ZNF407: variants seen among roughly 807,000 people sequenced by gnomAD.
ZNF407 encodes the protein zinc finger protein 407.
In ZNF407, 17 loss-of-function variants were observed where a neutral mutation model predicts 131.2. The ratio of observed to expected loss-of-function variants is 0.13; its 90% CI spans 0.09 to 0.19. ZNF407 has a LOEUF of 0.19. ZNF407 is among the 10% of genes least tolerant of loss of function. ZNF407 has a pLI of 1.00. For synonymous variants in ZNF407, 1,156 were observed against 1,062.0 expected, an observed-to-expected ratio of 1.09 and a Z score of -1.72; for missense variants, 2,681 against 2,830.6, an observed-to-expected ratio of 0.95 and a Z score of 1.20.
intron 3 of ZNF407, among the ~76,000 whole-genome samples, chr18:74,661,913 G>A (rs1365185743): frequency 2.0e-5 from 3 of 152,124 alleles, no homozygotes; most frequent in Admixed American, 6.5e-5. Flanking sequence ...GTATTTGTTT[G>A]AAGTAGTTCT....
intron 5 of ZNF407, among the ~76,000 whole-genome samples, chr18:74,877,806 A>G (rs927776163): frequency 6.6e-6 from 1 of 152,228 alleles, no homozygotes; most frequent in Non-Finnish European, 1.5e-5. Flanking sequence ...GTACCGTTTT[A>G]AGAAACTGTT....
chr18:75,001,761 A>G (rs775928485), intron 8 of ZNF407, among the ~76,000 whole-genome samples: 17 of 152,262 alleles, frequency 1.1e-4, no homozygotes, highest in Non-Finnish European at 2.4e-4. Context: ...AAGATGGAGT[A>G]CAGAATAGAA....
At chr18:74,885,865 A>G (rs1331094877) in intron 6 of ZNF407, among the ~76,000 whole-genome samples, 1 of 152,212 alleles carries the variant, frequency 6.6e-6, no homozygotes, top group Non-Finnish European at 1.5e-5. Context: ...TAAATTCTAG[A>G]AGAAAACATA....
chr18:74,878,705 A>T (rs909410906), intron 5 of ZNF407, among the ~76,000 whole-genome samples: 10 of 152,274 alleles, frequency 6.6e-5, no homozygotes, highest in Admixed American at 2.0e-4. Flanking sequence ...CACACTTGAA[A>T]CTAATTCAAG....
chr18:74,771,349 G>T (rs2145001145), intron 3 of ZNF407, among the ~76,000 whole-genome samples: 1 of 152,154 alleles, frequency 6.6e-6, no homozygotes, highest in East Asian at 1.9e-4. Flanking sequence ...ATTTCTGACA[G>T]ATTTGAATAC....
intron 8 of ZNF407, among the ~76,000 whole-genome samples, chr18:74,982,525 G>A (rs1312871512): frequency 6.6e-6 from 1 of 152,196 alleles, no homozygotes; most frequent in African/African-American, 2.4e-5. Context: ...ACAATCATTG[G>A]AAACTTACAA....
chr18:74,739,017 G>A (rs2144914619), intron 3 of ZNF407, among the ~76,000 whole-genome samples: 1 of 152,080 alleles, frequency 6.6e-6, no homozygotes, highest in Non-Finnish European at 1.5e-5. Context: ...TTATATCTCA[G>A]TGTTAGGAGC....
At chr18:74,866,951 C>T (rs990453446) in intron 4 of ZNF407, among the ~76,000 whole-genome samples, 2 of 131,670 alleles carry the variant, frequency 1.5e-5, no homozygotes, top group Non-Finnish European at 3.1e-5. Context: ...TGTTTGAGAC[C>T]AGCCTTGACA....
chr18:75,056,208 A>G (rs759139244), intron 8 of ZNF407, among the ~76,000 whole-genome samples: 4 of 152,222 alleles, frequency 2.6e-5, no homozygotes, highest in Non-Finnish European at 5.9e-5. Context: ...TAGTTTAGCT[A>G]CCATGTTTAA....
chr18:75,063,892 C>G lies in ZNF407; in HGVS notation c.6171C>G (p.Thr2057=). The stretch of plus-strand genomic sequence containing the variant: ...GCCCGGCCGCCGTGGAGGTGCTCAC[C>G]CAGGTGGTCCATCCCTCAGCAGCCA... ...QESPAAVEVL[T]QVVHPSAAMA... Residue 2057 remains threonine, a synonymous_variant, in exon 9 of 9, where the codon ACC becomes ACG. Coordinates refer to ENST00000299687, the MANE Select transcript of ZNF407 (RefSeq NM_017757.3). This position sits in a 1 kb window ranked among gnomAD's most constrained non-coding sequence, Gnocchi z 6.6. 6.2e-7 allele frequency: 1 copy of G among 1,613,408 alleles called. No individual in the cohort carries two copies. The highest frequency in any genetic ancestry group is 8.5e-7 in the Non-Finnish European group (1 of 1,179,840).
chr18:74,616,663 CTGAGTCATCTGTTGCAA>C (rs1983300714), intron 1 of ZNF407, among the ~76,000 whole-genome samples: 1 of 151,924 alleles, frequency 6.6e-6, no homozygotes, highest in Non-Finnish European at 1.5e-5. Flanking sequence ...AACCTTCATC[CTGAGTCATCTGTTGCAA>C]TGTTTACCCA....
chr18:74,724,344 T>C (rs1568183831), intron 3 of ZNF407, among the ~76,000 whole-genome samples: 1 of 152,144 alleles, frequency 6.6e-6, no homozygotes. Flanking sequence ...GGTGACAACA[T>C]TCAGAATCTT....
At chr18:74,764,742 T>C (rs2144983131) in intron 3 of ZNF407, among the ~76,000 whole-genome samples, 1 of 152,302 alleles carries the variant, frequency 6.6e-6, no homozygotes, top group Admixed American at 6.5e-5. Context: ...TAACTTTAAC[T>C]GCCCCCAGAC....
intron 3 of ZNF407, among the ~76,000 whole-genome samples, chr18:74,668,501 A>G (rs143994988): frequency 6.6e-6 from 1 of 152,294 alleles, no homozygotes; most frequent in African/African-American, 2.4e-5. Context: ...TGTATAACCC[A>G]GTGTTCAGAG....
intron 4 of ZNF407, among the ~76,000 whole-genome samples, chr18:74,872,972 T>A (rs1345609685): frequency 6.6e-6 from 1 of 151,992 alleles, no homozygotes; most frequent in Non-Finnish European, 1.5e-5. Flanking sequence ...TTGAAGAAGA[T>A]GAATAAAAAG....
At chr18:75,023,010 C>T (rs775590832) in intron 8 of ZNF407, among the ~76,000 whole-genome samples, 10 of 152,098 alleles carry the variant, frequency 6.6e-5, no homozygotes, top group South Asian at 6.2e-4. Flanking sequence ...ATGAAACGAA[C>T]GAGATCATGT....
At chr18:74,864,478 G>A (rs1207088362) in intron 4 of ZNF407, among the ~76,000 whole-genome samples, 1 of 152,098 alleles carries the variant, frequency 6.6e-6, no homozygotes, top group Non-Finnish European at 1.5e-5. Context: ...CAAGCAGTTT[G>A]GTTTCCAGTT....
At chr18:74,717,436 A>T (rs1323299075) in intron 3 of ZNF407, among the ~76,000 whole-genome samples, 1 of 152,218 alleles carries the variant, frequency 6.6e-6, no homozygotes, top group Non-Finnish European at 1.5e-5. Flanking sequence ...TCAAACTATA[A>T]AATTCACTTA....
chr18:74,833,194 A>G (rs1970509223), intron 4 of ZNF407, among the ~76,000 whole-genome samples: 1 of 152,226 alleles, frequency 6.6e-6, no homozygotes, highest in Non-Finnish European at 1.5e-5. Context: ...ACAAGACAGA[A>G]CAGCACAGTC....
Sources: allele counts gnomAD v4.1 joint callset (sites outside exome capture counted in the v4.1 genomes callset), GRCh38; gene constraint gnomAD v4.1.1; non-coding constraint Gnocchi (gnomAD v3.1); transcripts MANE v1.5; gene names NCBI Gene and HGNC (gene_info 2026-07-23, HGNC 2026-07-21).